KAT14: variants seen among roughly 807,000 people sequenced by gnomAD.
The protein encoded by KAT14 is lysine acetyltransferase 14, also known as cysteine-rich protein 2-binding protein.
Under a neutral mutation model 78.4 loss-of-function variants are expected in KAT14, and 66 were observed. The ratio of observed to expected loss-of-function variants is 0.84; its 90% confidence interval spans 0.69 to 1.03. The LOEUF (loss-of-function observed/expected upper bound fraction) is 1.03, where lower values mean the gene tolerates loss of function less well. KAT14 is among the 50% of genes least tolerant of loss of function. The probability of loss-of-function intolerance (pLI) is 0.00; values close to 1 mark genes in which losing one functional copy is unlikely to be tolerated. For synonymous variants in KAT14, 344 were observed against 359.4 expected, an observed-to-expected ratio of 0.96 and a Z score of 0.48; for missense variants, 870 against 972.5, an observed-to-expected ratio of 0.89 and a Z score of 1.40.
intron 5 of KAT14, among the ~76,000 whole-genome samples, chr20:18,160,281 A>G (rs201496739): frequency 3.3e-5 from 5 of 152,128 alleles, no homozygotes; most frequent in African/African-American, 1.2e-4. Flanking sequence ...AAGTTCCCCC[A>G]CCTGCCTATG....
At chr20:18,164,473 T>C (rs2038562187) in intron 7 of KAT14, among the ~76,000 whole-genome samples, 2 of 152,170 alleles carry the variant, frequency 1.3e-5, no homozygotes, top group Non-Finnish European at 2.9e-5. Flanking sequence ...ATGCCTTAGG[T>C]GACTACACTT....
chr20:18,184,009 A>C (rs1258812255), intron 9 of KAT14, among the ~76,000 whole-genome samples: 1 of 152,188 alleles, frequency 6.6e-6, no homozygotes, highest in Non-Finnish European at 1.5e-5. Flanking sequence ...GCAGAGCTGC[A>C]CTCATTCTTT....
At position 18,178,586 on chromosome 20, in the gene KAT14, A is replaced by G. The variant is rs146813069; in HGVS notation, c.1669-3124A>G. ...AAAAGTGGAAACCCCTGATAAAACC[A>G]TCAGATCTCGTGAGACTTATTCACT... On this transcript the variant is annotated intron_variant, in intron 7 of 10. Transcript: ENST00000688188. 8.9e-3 allele frequency among the ~76,000 whole-genome samples: 1,360 copies of G among 152,276 alleles called. 25 individuals are homozygous for G. The highest frequency in any genetic ancestry group is 0.031 in the African/African-American group (1,284 of 41,546).
intron 7 of KAT14, among the ~76,000 whole-genome samples, chr20:18,176,012 A>G (rs1389950137): frequency 6.6e-6 from 1 of 151,346 alleles, no homozygotes; most frequent in Non-Finnish European, 1.5e-5. Context: ...TCTCAAAAAA[A>G]AAAAAAAAAA....
chr20:18,175,753 T>C (rs2039015034), intron 7 of KAT14, among the ~76,000 whole-genome samples: 1 of 150,614 alleles, frequency 6.6e-6, no homozygotes, highest in Admixed American at 6.6e-5. Context: ...GAAACATGGC[T>C]CAAACCTGTA....
In KAT14 at chr20:18,142,360, T is replaced by C; in HGVS notation, c.-301T>C. 2 of 1,535,748 alleles carry C rather than the reference T, an allele frequency of 1.3e-6. No individual in the cohort carries two copies. Among genetic ancestry groups the C allele is most frequent in the Non-Finnish European group, 1.7e-6 (2 of 1,145,828 alleles). On this transcript the variant is annotated 5_prime_UTR_variant, in exon 2 of 11. An upstream open reading frame in the 5' UTR loses its in-frame stop. Transcript: ENST00000688188. ...CAAAAGGATCTCAAAAATCATGACT[T>C]GAATGTGAAATATCTGTTGGACAGA...
chr20:18,142,354 A>C lies in KAT14; in HGVS notation c.-307A>C. 4 of 1,535,982 alleles carry C rather than the reference A, an allele frequency of 2.6e-6. No individual in the cohort carries two copies. Among genetic ancestry groups the C allele is most frequent in the Non-Finnish European group, 3.5e-6 (4 of 1,146,000 alleles). ...TATTGGCAAAAGGATCTCAAAAATC[A>C]TGACTTGAATGTGAAATATCTGTTG... On this transcript the variant is annotated 5_prime_UTR_variant, in exon 2 of 11. The change abolishes an upstream ATG in the 5' untranslated region. Coordinates refer to ENST00000688188, the MANE Select transcript of KAT14 (RefSeq NM_001392073.1).
chr20:18,138,146 T>C (rs1408003404), intron 1 of KAT14, 95 bp downstream of exon 1: 1 of 1,341,812 alleles, frequency 7.5e-7, no homozygotes. Context: ...TCAGCTCCTC[T>C]TCGTGTCTTT....
rs145768239 is a variant in KAT14, at chr20:18,143,778, C to T, written c.259+859C>T. Among the ~76,000 whole-genome samples the T allele has an allele frequency of 4.9e-3, 746 of 152,226 alleles. 8 individuals are homozygous for T. The highest frequency in any genetic ancestry group is 0.017 in the African/African-American group (687 of 41,556). ...GAGTAGCTGGGATTACAGGCATGCG[C>T]CACCATGCCCGGCCAATTTTGTATT... is the stretch of plus-strand genomic sequence containing the variant. On this transcript the variant is annotated intron_variant, in intron 2 of 10. Transcript: ENST00000688188.
rs2037618456 is a variant in KAT14, at chr20:18,142,312, A to G, written c.-349A>G. The G allele has an allele frequency of 1.3e-6, 2 of 1,537,056 alleles. No individual in the cohort carries two copies. Among genetic ancestry groups the G allele is most frequent in the Non-Finnish European group, 1.7e-6 (2 of 1,146,818 alleles). On this transcript the variant is annotated 5_prime_UTR_variant, in exon 2 of 11. Coordinates refer to ENST00000688188, the MANE Select transcript of KAT14 (RefSeq NM_001392073.1). ...TTATTTTGACTGAGCAACTTGAAGC[A>G]GAAAGAGAGAAGATGTTATTGGCAA... is the stretch of plus-strand genomic sequence containing the variant.
At chr20:18,157,209 T>C (rs2038256844) in intron 4 of KAT14, among the ~76,000 whole-genome samples, 1 of 152,160 alleles carries the variant, frequency 6.6e-6, no homozygotes, top group South Asian at 2.1e-4. Flanking sequence ...TCTTTGTCAG[T>C]CTTTTTTATT....
intron 7 of KAT14, among the ~76,000 whole-genome samples, chr20:18,164,441 T>C (rs1473471864): frequency 1.3e-5 from 2 of 152,150 alleles, no homozygotes; most frequent in Non-Finnish European, 1.5e-5. Flanking sequence ...TCCATAGTCA[T>C]ACCCCCCAGG....
At chr20:18,151,699 T>C (rs989936271) in intron 4 of KAT14, among the ~76,000 whole-genome samples, 3 of 151,960 alleles carry the variant, frequency 2.0e-5, no homozygotes, top group Non-Finnish European at 2.9e-5. Flanking sequence ...ATTTTTACTT[T>C]TTTAAGATTA....
chr20:18,150,701 TG>T, intron 3 of KAT14, 119 bp from the exon 4 acceptor site: 1 of 1,478,860 alleles, frequency 6.8e-7, no homozygotes, highest in East Asian at 2.3e-5. Context: ...GTCCGTCCTT[TG>T]TTCGCTCTGT....
At chr20:18,138,343 A>G in intron 1 of KAT14, 2 of 1,105,344 alleles carry the variant, frequency 1.8e-6, no homozygotes, top group African/African-American at 3.3e-5. Context: ...CAGGCACGGC[A>G]CGCAAGCTTT....
chr20:18,179,715 T>G (rs2039179028), intron 7 of KAT14, among the ~76,000 whole-genome samples: 1 of 152,218 alleles, frequency 6.6e-6, no homozygotes, highest in Non-Finnish European at 1.5e-5. Flanking sequence ...TTCGGCTCCT[T>G]GTTACTTATG....
chr20:18,143,630 TTA>T lies in KAT14; in HGVS notation c.259+713_259+714del, dbSNP rs1568662581. 8.5e-5 allele frequency among the ~76,000 whole-genome samples: 12 copies of T among 141,156 alleles called. 1 individual carries two copies. The highest frequency in any genetic ancestry group is 1.4e-4 in the Admixed American group (2 of 14,360). The allele number at this position is 141,156 out of a possible 152,430, so 92.6% of individuals were successfully genotyped here. On this transcript the variant is annotated intron_variant, in intron 2 of 10. Coordinates refer to ENST00000688188, the MANE Select transcript of KAT14 (RefSeq NM_001392073.1). The stretch of plus-strand genomic sequence containing the variant: ...CACCTGGCTAATTTTTTTTTTTATT[TTA>T]TTTTTTTTTTTTGAGACGGAGTTTT...
At chr20:18,186,304 G>A (rs62205123) in intron 10 of KAT14, among the ~76,000 whole-genome samples, 16,002 of 152,138 alleles carry the variant, frequency 0.11, 909 homozygotes, top group Middle Eastern at 0.18. Flanking sequence ...TGATGGCCAC[G>A]GTGAGATCAC....
intron 7 of KAT14, among the ~76,000 whole-genome samples, chr20:18,166,138 C>T (rs1352036806): frequency 5.3e-5 from 8 of 152,220 alleles, no homozygotes; most frequent in African/African-American, 1.9e-4. Context: ...GCCATCTTTT[C>T]TTTCTGTAGA....
Sources: gnomAD v4.1 joint callset for allele counts (sites outside exome capture counted in the v4.1 genomes callset) on GRCh38, gnomAD v4.1.1 for gene constraint, MANE v1.5 for transcripts, NCBI Gene and HGNC (gene_info 2026-07-23, HGNC 2026-07-21) for gene names.